Variants in RUVBL1 observed in about 807,000 individuals in gnomAD.
The protein encoded by RUVBL1 is ruvB-like 1.
Under a neutral mutation model 52.4 loss-of-function variants are expected in RUVBL1, and 4 were observed. The ratio of observed to expected loss-of-function variants is 0.08; its 90% confidence interval spans 0.04 to 0.17. The LOEUF (loss-of-function observed/expected upper bound fraction) is 0.17. Ranked by LOEUF, RUVBL1 falls within the 10% of genes least tolerant of loss-of-function variation. RUVBL1 has a pLI of 1.00. For synonymous variants in RUVBL1, 217 were observed against 214.4 expected, an observed-to-expected ratio of 1.01 and a Z score of -0.10; for missense variants, 298 against 572.8, an observed-to-expected ratio of 0.52 and a Z score of 4.90.
At position 128,119,406 on chromosome 3, in the gene RUVBL1, G is replaced by C. The variant is rs538493910; in HGVS notation, c.150C>G (p.Gly50=). The C allele has an allele frequency of 6.2e-7, 1 of 1,612,560 alleles. No homozygotes were observed. ...TGCTTTTGATTAATTCTACTATGAC[G>C]CCACATGCCTACACACCACAATGGA... The part of the protein sequence containing the change: ...VGQENAREAC[G]VIVELIKSKK... The change falls in exon 2 of 11, where the codon GGC becomes GGG. Residue 50 remains glycine (G), a synonymous_variant. Transcript: ENST00000322623.
chr3:128,086,132 G>A (rs1290507717), intron 9 of RUVBL1, among the ~76,000 whole-genome samples: 1 of 152,056 alleles, frequency 6.6e-6, no homozygotes, highest in East Asian at 1.9e-4. Context: ...AAGTAGCTGG[G>A]ACTACAGGCA....
chr3:128,088,091 G>A (rs1354230169), intron 8 of RUVBL1, among the ~76,000 whole-genome samples: 3 of 151,792 alleles, frequency 2.0e-5, no homozygotes, highest in Middle Eastern at 3.2e-3. Context: ...TTGAAACCCC[G>A]TCTCTACTAA....
upstream of RUVBL1, chr3:128,124,029 C>T (rs1043207977): frequency 3.8e-6 from 2 of 523,722 alleles, no homozygotes; most frequent in African/African-American, 4.1e-5. Flanking sequence ...CGGATTTGAT[C>T]TAGGGCTGGG....
chr3:128,087,684 G>A, intron 9 of RUVBL1, 22 bp downstream of exon 9: 1 of 1,580,032 alleles, frequency 6.3e-7, no homozygotes, highest in Non-Finnish European at 8.7e-7. Context: ...GAAGAGAGCA[G>A]GAGGGAAGAA....
intron 9 of RUVBL1, among the ~76,000 whole-genome samples, chr3:128,072,995 C>G (rs1269151531): frequency 2.6e-5 from 4 of 152,126 alleles, no homozygotes; most frequent in African/African-American, 4.8e-5. Flanking sequence ...CTCACTTCAC[C>G]CCACTAGAGG....
At position 128,097,728 on chromosome 3, in the gene RUVBL1, G is replaced by A. The variant is rs1030767740; in HGVS notation, c.818-230C>T. Among the ~76,000 whole-genome samples the A allele has an allele frequency of 1.3e-4, 20 of 152,090 alleles. 1 individual carries two copies. On this transcript the variant is annotated intron_variant, in intron 7 of 10. Coordinates refer to ENST00000322623, the MANE Select transcript of RUVBL1 (RefSeq NM_003707.3). Reference sequence around the variant, plus strand: ...AAATTGGCAGCCTCCCCCAAAAGATGAGTTTGGTTAAATGTAAAAAGGTTG... The same window carrying A: ...AAATTGGCAGCCTCCCCCAAAAGATAAGTTTGGTTAAATGTAAAAAGGTTG...
Position 128,082,566 on chromosome 3 carries a change from T to A in RUVBL1, c.1128A>T (p.Lys376Asn). 6.2e-7 allele frequency: 1 copy of A among 1,611,692 alleles called. No homozygotes were observed. Among genetic ancestry groups the A allele is most frequent in the Non-Finnish European group, 8.5e-7 (1 of 1,178,908 alleles). ...YTPQEMKQIIKIRAQTEGINI... is the reference protein window; with the variant it reads ...YTPQEMKQIINIRAQTEGINI... ...TGATTCCTTCCGTCTGGGCACGGAT[T>A]TTAATGATCTTTTAAAGGATAAAAA... Residue 376 changes from lysine (K) to asparagine (N), a missense_variant, in exon 10 of 11, where the codon AAA becomes AAT. Lys to Asn is a moderately conservative substitution (Grantham distance 94). Around this residue, in one of 5 missense-constraint regions of RUVBL1, gnomAD observed 161 missense variants for 298.3 expected, o/e 0.54. Coordinates refer to ENST00000322623, the MANE Select transcript of RUVBL1 (RefSeq NM_003707.3). The surrounding 1 kb of genome is among the most constrained non-coding windows in gnomAD (Gnocchi z 4.7).
At chr3:128,125,304 C>T (rs1164876699), upstream of RUVBL1, among the ~76,000 whole-genome samples, 1 of 152,076 alleles carries the variant, frequency 6.6e-6, no homozygotes, top group Admixed American at 6.5e-5. Context: ...CGTGAGCCAC[C>T]GCGCCCGGCC....
Position 128,067,219 on chromosome 3 carries a change from C to T in RUVBL1, c.940-1999G>A. On this transcript the variant is annotated intron_variant, in intron 9 of 9. Coordinates refer to the RUVBL1 transcript ENST00000464873. The surrounding 1 kb of genome is among the most constrained non-coding windows in gnomAD (Gnocchi z 4.1). ...TGCAGTGGTTTCTATCAGTGTCTTG[C>T]TCATGAACAGATATTTCATCCAAAG... 1 of 1,432,512 alleles carries T rather than the reference C, an allele frequency of 7.0e-7. No homozygotes were observed. The highest frequency in any genetic ancestry group is 9.8e-7 in the Non-Finnish European group (1 of 1,019,358). The allele number at this position is 1,432,512 out of a possible 1,614,324, so 88.7% of individuals were successfully genotyped here.
At chr3:128,131,511 T>C (rs1576484443) in intron 1 of RUVBL1, among the ~76,000 whole-genome samples, 1 of 141,196 alleles carries the variant, frequency 7.1e-6, no homozygotes, top group African/African-American at 2.8e-5. Context: ...ACAAACACTG[T>C]AAAACAAACC....
rs1208680694 is a variant in RUVBL1 at position 128,153,571 on chromosome 3, G to T, written c.-408C>A. 7.8e-6 allele frequency: 12 copies of T among 1,545,788 alleles called. No individual in the cohort carries two copies. The Admixed American group carries it at 1.1e-4, about 15-fold the overall frequency. On this transcript the variant is annotated 5_prime_UTR_variant, in exon 1 of 10. Coordinates refer to the RUVBL1 transcript ENST00000464873. ...GGGCCACATCGACAGCGGCAAGACGGCGCTGGCGCGGGCGCTAAGCACCAC... is the reference window on the plus strand; with the variant it reads ...GGGCCACATCGACAGCGGCAAGACGTCGCTGGCGCGGGCGCTAAGCACCAC...
chr3:128,097,263 T>C (rs778903064), intron 8 of RUVBL1, 37 bp downstream of exon 8: 27 of 1,591,716 alleles, frequency 1.7e-5, no homozygotes, highest in Non-Finnish European at 2.3e-5. Flanking sequence ...CAGATGGAAG[T>C]TAAAAAAGCC....
At chr3:128,072,375 G>A (rs570059820) in intron 9 of RUVBL1, among the ~76,000 whole-genome samples, 2 of 152,348 alleles carry the variant, frequency 1.3e-5, no homozygotes, top group South Asian at 4.1e-4. Context: ...GTGGGAGGTC[G>A]TTACTCCTTA....
chr3:128,112,002 A>G (rs28698250), intron 3 of RUVBL1, among the ~76,000 whole-genome samples: 1 of 152,190 alleles, frequency 6.6e-6, no homozygotes, highest in Non-Finnish European at 1.5e-5. Context: ...CTGAGAATAA[A>G]TCTAAATGTT....
At chr3:128,126,667 A>G (rs1656259694), upstream of RUVBL1, among the ~76,000 whole-genome samples, 1 of 152,210 alleles carries the variant, frequency 6.6e-6, no homozygotes, top group South Asian at 2.1e-4. Context: ...CCTGACACAG[A>G]TCCAGTGTGT....
intron 9 of RUVBL1, chr3:128,084,977 T>C (rs549960590): frequency 3.3e-5 from 5 of 152,406 alleles, no homozygotes; most frequent in Admixed American, 2.6e-4. Flanking sequence ...AGCTCTGGGT[T>C]CGAATGGCGG....
At chr3:128,113,123 T>C in intron 2 of RUVBL1, 103 bp from the exon 3 acceptor site, 1 of 1,309,970 alleles carries the variant, frequency 7.6e-7, no homozygotes, top group Non-Finnish European at 1.0e-6. Context: ...GCTGAACATC[T>C]AGTCCTACCA....
chr3:128,071,978 C>T (rs944186068), intron 9 of RUVBL1, among the ~76,000 whole-genome samples: 4 of 152,250 alleles, frequency 2.6e-5, no homozygotes, highest in Non-Finnish European at 4.4e-5. Flanking sequence ...CCTGCCACCC[C>T]GTGGAAGAGT....
chr3:128,110,139 A>G (rs1224295157), intron 3 of RUVBL1, among the ~76,000 whole-genome samples: 2 of 152,186 alleles, frequency 1.3e-5, no homozygotes, highest in Non-Finnish European at 2.9e-5. Context: ...TTAAAAAATT[A>G]GCTGGGTGTG....
Sources: allele counts gnomAD v4.1 joint callset (sites outside exome capture counted in the v4.1 genomes callset), GRCh38; gene constraint gnomAD v4.1.1; regional missense constraint gnomAD v4.1.1; non-coding constraint Gnocchi (gnomAD v3.1); transcripts MANE v1.5; gene names NCBI Gene and HGNC (gene_info 2026-07-23, HGNC 2026-07-21).